The following SYT13 variants were observed in gnomAD, a reference collection of about 807,000 sequenced individuals.
The protein encoded by SYT13 is synaptotagmin 13.
In SYT13, 21 loss-of-function variants were observed where a neutral mutation model predicts 38.6. The observed-to-expected ratio is 0.54, with a 90% CI of 0.39 to 0.78. The LOEUF (loss-of-function observed/expected upper bound fraction) is 0.78, where lower values mean the gene tolerates loss of function less well. Ranked by LOEUF, SYT13 falls within the 30% of genes least tolerant of loss-of-function variation. The pLI, the probability that SYT13 is intolerant of heterozygous loss-of-function variation, is 0.00. For missense variants in SYT13, 495 were observed against 548.7 expected (o/e 0.90, Z 0.98); for synonymous variants, 241 against 237.6 (o/e 1.01, Z -0.13).
rs142450003 is a variant in SYT13 at position 45,262,840 on chromosome 11, A to C, written c.184-6949T>G. On this transcript the variant is annotated intron_variant, in intron 1 of 5. Coordinates refer to ENST00000020926, the MANE Select transcript of SYT13 (RefSeq NM_020826.3). ...TTATGTTCTTTTACCATAATAAAAA[A>C]AAAGAGAGAAAAAACCCCAAACATC... 2.2e-4 allele frequency among the ~76,000 whole-genome samples: 33 copies of C among 152,260 alleles called. 1 individual carries two copies. The East Asian group carries it at 6.2e-3, about 28-fold the overall frequency.
chr11:45,285,415 G>T (rs1008629393), intron 1 of SYT13, among the ~76,000 whole-genome samples: 2 of 152,154 alleles, frequency 1.3e-5, no homozygotes, highest in African/African-American at 4.8e-5. Flanking sequence ...GAGCTGCTAG[G>T]GGGTGGGGAA....
intron 4 of SYT13, among the ~76,000 whole-genome samples, chr11:45,251,648 T>A (rs576763125): frequency 1.3e-5 from 2 of 152,124 alleles, no homozygotes; most frequent in Non-Finnish European, 2.9e-5. Context: ...ACATACCATC[T>A]TGTAGCCCTG....
In SYT13 at chr11:45,275,929, C is replaced by T. The variant is rs1855005529; in HGVS notation, c.183+10096G>A. Among the ~76,000 whole-genome samples, 3 of 152,150 alleles carry T rather than the reference C, an allele frequency of 2.0e-5. No homozygotes were observed. In the South Asian group the frequency reaches 6.2e-4, roughly 32 times the overall value. On this transcript the variant is annotated intron_variant, in intron 1 of 5. Coordinates refer to ENST00000020926, the MANE Select transcript of SYT13 (RefSeq NM_020826.3). ...GTGCAAACTTGCTGGAAGAACAGGG[C>T]AGCCAGGACTACTGCACACACACTC...
At chr11:45,254,030 T>A (rs1854711662) in intron 3 of SYT13, 1 of 365,692 alleles carries the variant, frequency 2.7e-6, no homozygotes, top group Non-Finnish European at 4.8e-6. Flanking sequence ...CTGGAAGGAG[T>A]CTGGTCCTTG....
rs1246963233 is a variant in SYT13, at chr11:45,252,158, G to A, written c.846+263C>T. Among the ~76,000 whole-genome samples, 1 of 152,162 alleles carries A rather than the reference G, an allele frequency of 6.6e-6. No homozygotes were observed. The highest frequency in any genetic ancestry group is 1.5e-5 in the Non-Finnish European group (1 of 68,030). ...GCAGTAAAGGTAATACACACAGCAT[G>A]GCATTTTCCATGACGGCAGAGAGAG... On this transcript the variant is annotated intron_variant, in intron 4 of 5. Transcript: ENST00000020926. The surrounding 1 kb of genome is among the most constrained non-coding windows in gnomAD (Gnocchi z 4.3).
At chr11:45,273,351 C>G (rs187274846) in intron 1 of SYT13, among the ~76,000 whole-genome samples, 1 of 152,224 alleles carries the variant, frequency 6.6e-6, no homozygotes, top group East Asian at 1.9e-4. Flanking sequence ...GATGAAGGCC[C>G]CTCACACTCC....
At chr11:45,267,785 G>A (rs971377262) in intron 1 of SYT13, among the ~76,000 whole-genome samples, 11 of 152,134 alleles carry the variant, frequency 7.2e-5, no homozygotes, top group Non-Finnish European at 1.2e-4. Context: ...TGGGAGAGAG[G>A]TGACACAGTT....
chr11:45,280,611 G>A (rs562346043), intron 1 of SYT13, among the ~76,000 whole-genome samples: 11 of 152,324 alleles, frequency 7.2e-5, no homozygotes, highest in African/African-American at 2.6e-4. Context: ...AAGAGGCAGA[G>A]CATGAACAAA....
intron 1 of SYT13, among the ~76,000 whole-genome samples, chr11:45,282,927 T>G (rs1300410916): frequency 6.6e-6 from 1 of 152,098 alleles, no homozygotes; most frequent in East Asian, 1.9e-4. Context: ...GCAGGCAAAT[T>G]GCTTGAACCC....
At chr11:45,285,561 C>T (rs550956818) in intron 1 of SYT13, among the ~76,000 whole-genome samples, 44 of 152,238 alleles carry the variant, frequency 2.9e-4, no homozygotes, top group African/African-American at 1.0e-3. Flanking sequence ...ACTTGCCCTA[C>T]CCTGGCTCCA....
At chr11:45,268,490 T>C (rs1254859838) in intron 1 of SYT13, among the ~76,000 whole-genome samples, 1 of 152,182 alleles carries the variant, frequency 6.6e-6, no homozygotes, top group African/African-American at 2.4e-5. Flanking sequence ...AAACCCATCA[T>C]ATGCAGCTTT....
rs1337450111 is a variant in SYT13, at chr11:45,252,103, A to G, written c.846+318T>C. Among the ~76,000 whole-genome samples, 1 of 152,224 alleles carries G rather than the reference A, an allele frequency of 6.6e-6. No individual in the cohort carries two copies. Among genetic ancestry groups the G allele is most frequent in the Non-Finnish European group, 1.5e-5 (1 of 68,034 alleles). ...ACATCGTAGGAGCACACAGAGTATA[A>G]CTGGATTGAAATGGGGACAGTACTT... is the stretch of plus-strand genomic sequence containing the variant. On this transcript the variant is annotated intron_variant, in intron 4 of 5. Coordinates refer to ENST00000020926, the MANE Select transcript of SYT13 (RefSeq NM_020826.3). The surrounding 1 kb of genome is among the most constrained non-coding windows in gnomAD (Gnocchi z 4.3).
chr11:45,259,207 C>T (rs534492676), intron 1 of SYT13, among the ~76,000 whole-genome samples: 1 of 152,166 alleles, frequency 6.6e-6, no homozygotes, highest in East Asian at 1.9e-4. Context: ...GGCTGCTGGG[C>T]CTCAGCACAC....
chr11:45,285,938 C>A (rs986746477), intron 1 of SYT13, 87 bp downstream of exon 1: 4 of 1,520,996 alleles, frequency 2.6e-6, no homozygotes, highest in South Asian at 1.2e-5. Context: ...CAAAGATCCA[C>A]GACCGCCTCC....
At chr11:45,276,382 T>C (rs1410968110) in intron 1 of SYT13, among the ~76,000 whole-genome samples, 2 of 152,006 alleles carry the variant, frequency 1.3e-5, no homozygotes, top group African/African-American at 4.8e-5. Context: ...AGTTGAACAA[T>C]GAGAACACAT....
At chr11:45,259,968 A>T (rs1375227209) in intron 1 of SYT13, among the ~76,000 whole-genome samples, 1 of 152,254 alleles carries the variant, frequency 6.6e-6, no homozygotes, top group Non-Finnish European at 1.5e-5. Flanking sequence ...TTACGTGAGT[A>T]GTACTGTTCT....
intron 1 of SYT13, among the ~76,000 whole-genome samples, chr11:45,264,495 A>G (rs1312199215): frequency 6.6e-6 from 1 of 152,214 alleles, no homozygotes; most frequent in Non-Finnish European, 1.5e-5. Flanking sequence ...ACCCGAGGGC[A>G]CCGCAGGAAG....
At chr11:45,245,176 C>T (rs1307916418) in intron 5 of SYT13, among the ~76,000 whole-genome samples, 1 of 152,210 alleles carries the variant, frequency 6.6e-6, no homozygotes, top group Admixed American at 6.5e-5. Context: ...CAGGGCACTG[C>T]ACCAAGAGAG....
chr11:45,246,319 C>A lies in SYT13; in HGVS notation c.976+64G>T, dbSNP rs1394172146. 3 of 1,584,568 alleles carry A rather than the reference C, an allele frequency of 1.9e-6. No homozygotes were observed. The African/African-American group carries it at 4.1e-5, about 21-fold the overall frequency. On this transcript the variant is annotated intron_variant, in intron 5 of 5. Coordinates refer to ENST00000020926, the MANE Select transcript of SYT13 (RefSeq NM_020826.3). ...TGTGACCATTTCCTCCCAGGCACCA[C>A]CTCCCTCAGCACACACTCCCGGTAG...
Sources: gnomAD v4.1 joint callset for allele counts (sites outside exome capture counted in the v4.1 genomes callset) on GRCh38, gnomAD v4.1.1 for gene constraint, Gnocchi (gnomAD v3.1) non-coding constraint, MANE v1.5 for transcripts, NCBI Gene and HGNC (gene_info 2026-07-23, HGNC 2026-07-21) for gene names.